RHPN2: variants seen among roughly 807,000 people sequenced by gnomAD.
RHPN2 encodes rhophilin Rho GTPase binding protein 2.
A neutral mutation model predicts 79.0 loss-of-function variants in RHPN2; 40 were observed. The observed-to-expected ratio is 0.51, with a 90% confidence interval of 0.39 to 0.66. RHPN2 has a LOEUF of 0.66. Among genes scored for constraint, RHPN2 ranks in the 30% least tolerant of loss-of-function variants. RHPN2 has a pLI of 0.00. For missense variants in RHPN2, 686 were observed against 883.5 expected (o/e 0.78, Z 2.83); for synonymous variants, 285 against 363.5 (o/e 0.78, Z 2.46).
chr19:32,979,922 C>T lies in RHPN2; in HGVS notation c.*74G>A, dbSNP rs545845392. ...TGAGAACAGATAGATAGATATTTTC[C>T]ATTATGGCACAAACGTTTAAGGCCG... On this transcript the variant is annotated 3_prime_UTR_variant, in exon 15 of 15. Transcript: ENST00000254260. 21 of 1,536,854 alleles carry T rather than the reference C, an allele frequency of 1.4e-5. No individual in the cohort carries two copies. The African/African-American group carries it at 2.0e-4, about 15-fold the overall frequency.
In RHPN2 at chr19:32,979,965, T is replaced by C; in HGVS notation, c.*31A>G. 1 of 1,613,474 alleles carries C rather than the reference T, an allele frequency of 6.2e-7. No individual in the cohort carries two copies. Among genetic ancestry groups the C allele is most frequent in the Non-Finnish European group, 8.5e-7 (1 of 1,179,472 alleles). On this transcript the variant is annotated 3_prime_UTR_variant, in exon 15 of 15. Transcript: ENST00000254260. Reference sequence around the variant, plus strand: ...TAAGGCCGAGTCAGCACCGGAAATGTTCAGGGCCTGAACATGTTTGTTTCC... The same window carrying C: ...TAAGGCCGAGTCAGCACCGGAAATGCTCAGGGCCTGAACATGTTTGTTTCC...
intron 2 of RHPN2, among the ~76,000 whole-genome samples, chr19:33,032,266 C>G (rs533841722): frequency 6.6e-6 from 1 of 152,248 alleles, no homozygotes; most frequent in African/African-American, 2.4e-5. Context: ...ATCCACCCAC[C>G]TCGGCCTCCC....
intron 1 of RHPN2, among the ~76,000 whole-genome samples, chr19:33,049,329 C>G (rs1045147274): frequency 6.6e-6 from 1 of 152,170 alleles, no homozygotes; most frequent in African/African-American, 2.4e-5. Context: ...CCCACCCATA[C>G]ATTTCTCACC....
chr19:33,054,475 C>T (rs1972216006), intron 1 of RHPN2, among the ~76,000 whole-genome samples: 1 of 152,056 alleles, frequency 6.6e-6, no homozygotes. Flanking sequence ...GCTGGGATCA[C>T]AGGTGTGAGC....
In RHPN2 at chr19:32,996,461, T is replaced by G. The variant is rs1599810352; in HGVS notation, c.1226-241A>C. 5.5e-6 allele frequency: 3 copies of G among 547,222 alleles called. No homozygotes were observed. In the East Asian group the frequency reaches 9.9e-5, roughly 18 times the overall value. The allele number at this position is 547,222 out of a possible 1,614,324, so 33.9% of individuals were successfully genotyped here. A position where few individuals can be genotyped will look rare whatever the true frequency, so the allele number is the denominator to read the frequency against. On this transcript the variant is annotated intron_variant, in intron 10 of 14. Transcript: ENST00000254260. ...CACTTATCCCCCTTAAGAGAATAAC[T>G]AGTGTAAGCTGACTCCAAGCACACC...
intron 9 of RHPN2, 31 bp from the exon 10 acceptor site, chr19:32,999,736 C>G (rs748938729): frequency 6.2e-7 from 1 of 1,606,140 alleles, no homozygotes; most frequent in Non-Finnish European, 8.5e-7. Context: ...TAAATCCCCT[C>G]TCATGGACCT....
intron 2 of RHPN2, among the ~76,000 whole-genome samples, chr19:33,041,018 C>A (rs1006217426): frequency 1.3e-5 from 2 of 152,080 alleles, no homozygotes; most frequent in African/African-American, 2.4e-5. Flanking sequence ...CCTAAAAAAA[C>A]TCCAGGAAGC....
intron 2 of RHPN2, among the ~76,000 whole-genome samples, chr19:33,034,045 CA>C (rs1022097175): frequency 1.7e-5 from 2 of 121,212 alleles, no homozygotes; most frequent in Non-Finnish European, 3.3e-5. Context: ...TTAATAGAGT[CA>C]GGGGTCTAAA....
chr19:33,060,100 G>A (rs762205307), intron 1 of RHPN2, among the ~76,000 whole-genome samples: 4 of 152,188 alleles, frequency 2.6e-5, no homozygotes, highest in Non-Finnish European at 5.9e-5. Context: ...GCGTTCACCC[G>A]CATTCATGGA....
At chr19:33,058,178 G>A (rs1972249596) in intron 1 of RHPN2, among the ~76,000 whole-genome samples, 1 of 152,070 alleles carries the variant, frequency 6.6e-6, no homozygotes, top group South Asian at 2.1e-4. Context: ...AAAAAGCCAA[G>A]AGGCTGATTC....
intron 14 of RHPN2, among the ~76,000 whole-genome samples, chr19:32,987,775 C>G (rs763526460): frequency 6.6e-6 from 1 of 152,186 alleles, no homozygotes; most frequent in African/African-American, 2.4e-5. Context: ...ACTTCACATT[C>G]GATCTCCTCC....
intron 3 of RHPN2, among the ~76,000 whole-genome samples, chr19:33,023,244 G>A (rs915235743): frequency 3.9e-5 from 6 of 151,958 alleles, no homozygotes; most frequent in Non-Finnish European, 5.9e-5. Flanking sequence ...AGACCAGCCT[G>A]GCCAACATGG....
At chr19:33,027,692 T>C (rs946183722) in intron 2 of RHPN2, among the ~76,000 whole-genome samples, 10 of 152,056 alleles carry the variant, frequency 6.6e-5, no homozygotes, top group African/African-American at 2.4e-4. Context: ...ATCCCAGGAA[T>C]GCAAGGTTGG....
intron 1 of RHPN2, among the ~76,000 whole-genome samples, chr19:33,053,859 G>A (rs533595360): frequency 6.7e-5 from 10 of 150,082 alleles, no homozygotes; most frequent in Admixed American, 4.0e-4. Flanking sequence ...GAGCCACCGC[G>A]CCCAGTCTCT....
At chr19:33,048,739 A>AAAAAAAAAAC (rs1972163587) in intron 1 of RHPN2, among the ~76,000 whole-genome samples, 3 of 151,216 alleles carry the variant, frequency 2.0e-5, no homozygotes, top group African/African-American at 7.3e-5. Flanking sequence ...AAAAAAAAAA[A>AAAAAAAAAAC]AAAAAACTTT....
chr19:33,056,782 G>A (rs939888972), intron 1 of RHPN2, among the ~76,000 whole-genome samples: 11 of 151,730 alleles, frequency 7.2e-5, no homozygotes, highest in African/African-American at 1.5e-4. Flanking sequence ...CCTGTAATCC[G>A]AGCACTGTGG....
intron 4 of RHPN2, among the ~76,000 whole-genome samples, chr19:33,019,905 C>T (rs1222520098): frequency 2.0e-5 from 3 of 152,192 alleles, no homozygotes; most frequent in Admixed American, 6.6e-5. Context: ...ATCCCCTTTC[C>T]CCTCCTTGAT....
intron 2 of RHPN2, among the ~76,000 whole-genome samples, chr19:33,038,393 G>A (rs1290767004): frequency 6.6e-6 from 1 of 152,128 alleles, no homozygotes; most frequent in Non-Finnish European, 1.5e-5. Flanking sequence ...TGAGGCTGCA[G>A]TGAGCTGTGA....
intron 2 of RHPN2, 163 bp from the exon 3 acceptor site, chr19:33,026,795 A>C: frequency 1.4e-6 from 1 of 703,496 alleles, no homozygotes; most frequent in Non-Finnish European, 2.5e-6. Flanking sequence ...GCACCTACCC[A>C]GCTTGCAGCA....
Sources: allele counts gnomAD v4.1 joint callset (sites outside exome capture counted in the v4.1 genomes callset), GRCh38; gene constraint gnomAD v4.1.1; transcripts MANE v1.5; gene names NCBI Gene and HGNC (gene_info 2026-07-23, HGNC 2026-07-21).